Variants in NAALADL2 observed in about 807,000 individuals in gnomAD.
NAALADL2 encodes the protein inactive N-acetylated-alpha-linked acidic dipeptidase-like protein 2.
NAALADL2 carries 76 observed loss-of-function variants against 87.2 expected under a neutral mutation model. The observed-to-expected ratio is 0.87, with a 90% CI of 0.72 to 1.05. The LOEUF (loss-of-function observed/expected upper bound fraction) is 1.05. Among genes scored for constraint, NAALADL2 ranks in the 50% least tolerant of loss-of-function variants. The pLI is 0.00. For synonymous variants in NAALADL2, 354 were observed against 331.0 expected (o/e 1.07, Z -0.75); for missense variants, 1,089 against 945.8 (o/e 1.15, Z -1.99).
chr3:175,505,155 C>G (rs1018692979), intron 9 of NAALADL2, among the ~76,000 whole-genome samples: 3 of 151,762 alleles, frequency 2.0e-5, no homozygotes, highest in Admixed American at 2.0e-4. Flanking sequence ...ACAAAAGAGC[C>G]TTGGGAGGCT....
intron 2 of NAALADL2, among the ~76,000 whole-genome samples, chr3:174,657,199 T>A (rs1725041335): frequency 6.6e-6 from 1 of 152,100 alleles, no homozygotes; most frequent in African/African-American, 2.4e-5. Flanking sequence ...GCCACATTTT[T>A]GTTTTTGTAG....
chr3:175,141,720 G>A (rs1284360139), intron 2 of NAALADL2, among the ~76,000 whole-genome samples: 1 of 152,040 alleles, frequency 6.6e-6, no homozygotes, highest in South Asian at 2.1e-4. Flanking sequence ...ATTTATTCTA[G>A]TTTCTTTCTT....
Position 175,804,114 on chromosome 3 carries a change from T to C in NAALADL2, c.*911T>C, listed in dbSNP as rs1754497633. On this transcript the variant is annotated 3_prime_UTR_variant, in exon 14 of 14. Transcript: ENST00000454872. ...AAGGCAGCTTTCTCAGAGTACTATA[T>C]ATTTTCAACAGTAAAGTAGCAGAGT... The C allele has an allele frequency of 6.6e-6, 1 of 151,952 alleles. No individual in the cohort carries two copies. Among genetic ancestry groups the C allele is most frequent in the Non-Finnish European group, 1.5e-5 (1 of 67,880 alleles). 9.4% of individuals were successfully genotyped at this position (151,952 alleles called of 1,614,324 possible).
intron 2 of NAALADL2, among the ~76,000 whole-genome samples, chr3:174,598,437 A>G (rs1307894773): frequency 6.6e-6 from 1 of 152,164 alleles, no homozygotes; most frequent in South Asian, 2.1e-4. Flanking sequence ...TGATATACAC[A>G]GAACTTATTT....
At chr3:175,789,034 C>T (rs1752460241) in intron 13 of NAALADL2, among the ~76,000 whole-genome samples, 1 of 152,020 alleles carries the variant, frequency 6.6e-6, no homozygotes, top group African/African-American at 2.4e-5. Context: ...AATTCCTTAA[C>T]TTCTTTAGAG....
chr3:175,796,732 C>T (rs1171046393), intron 13 of NAALADL2, among the ~76,000 whole-genome samples: 2 of 152,128 alleles, frequency 1.3e-5, no homozygotes, highest in African/African-American at 4.8e-5. Context: ...AAAGACATGA[C>T]TTATTATTTA....
At chr3:175,038,321 TAAATA>T (rs1033135297) in intron 1 of NAALADL2, among the ~76,000 whole-genome samples, 5 of 149,342 alleles carry the variant, frequency 3.3e-5, no homozygotes, top group East Asian at 3.9e-4. Flanking sequence ...ACTGAGTAAA[TAAATA>T]AAATAAGAAA....
At chr3:174,923,484 T>C (rs1258029299) in intron 1 of NAALADL2, among the ~76,000 whole-genome samples, 1 of 152,142 alleles carries the variant, frequency 6.6e-6, no homozygotes, top group Non-Finnish European at 1.5e-5. Flanking sequence ...AAATTATTAT[T>C]AGGCAAACAA....
intron 2 of NAALADL2, among the ~76,000 whole-genome samples, chr3:174,635,507 T>A (rs1578385568): frequency 5.0e-5 from 1 of 19,906 alleles, no homozygotes; most frequent in African/African-American, 8.7e-4. Context: ...GTGGTTGTGG[T>A]TTTTTTTTTT....
At chr3:174,857,213 A>T (rs1443837927), upstream of NAALADL2, among the ~76,000 whole-genome samples, 1 of 152,168 alleles carries the variant, frequency 6.6e-6, no homozygotes, top group East Asian at 1.9e-4. Flanking sequence ...GTATGTTAAA[A>T]AACGTCCTGG....
intron 1 of NAALADL2, among the ~76,000 whole-genome samples, chr3:175,013,301 A>ATATATATATTTTTTTTTTT (rs1553916905): frequency 2.8e-5 from 2 of 72,066 alleles, no homozygotes; most frequent in Non-Finnish European, 4.7e-5. Context: ...ATATATATAT[A>ATATATATATTTTTTTTTTT]TTTTTTTTTT....
intron 9 of NAALADL2, among the ~76,000 whole-genome samples, chr3:175,491,067 A>T (rs17535609): frequency 6.6e-6 from 1 of 151,646 alleles, no homozygotes; most frequent in Non-Finnish European, 1.5e-5. Context: ...CAGCATTCAG[A>T]TAAGTCTGTC....
At chr3:175,244,654 A>T (rs1747612154) in intron 3 of NAALADL2, among the ~76,000 whole-genome samples, 1 of 152,146 alleles carries the variant, frequency 6.6e-6, no homozygotes, top group Non-Finnish European at 1.5e-5. Context: ...AGTATGTGTG[A>T]TGCCTCTGTT....
At chr3:175,462,082 T>A (rs1723225191) in intron 6 of NAALADL2, among the ~76,000 whole-genome samples, 1 of 152,158 alleles carries the variant, frequency 6.6e-6, no homozygotes, top group African/African-American at 2.4e-5. Context: ...AAAAAGTGAA[T>A]ACCAATGTAA....
intron 6 of NAALADL2, among the ~76,000 whole-genome samples, chr3:175,456,950 C>T (rs1722402964): frequency 6.6e-6 from 1 of 152,010 alleles, no homozygotes; most frequent in Non-Finnish European, 1.5e-5. Context: ...ACAGTATTGT[C>T]CCTCCAATCT....
intron 2 of NAALADL2, among the ~76,000 whole-genome samples, chr3:174,620,931 A>T (rs185633083): frequency 6.9e-4 from 105 of 152,232 alleles, no homozygotes; most frequent in Non-Finnish European, 1.3e-3. Context: ...ATAATAGGCT[A>T]TCAATCTTAT....
At chr3:175,359,551 A>G (rs144047327) in intron 5 of NAALADL2, among the ~76,000 whole-genome samples, 22 of 152,164 alleles carry the variant, frequency 1.4e-4, no homozygotes, top group African/African-American at 4.6e-4. Flanking sequence ...TTTTAATTCA[A>G]TTTTATCAAG....
At chr3:175,705,251 A>G (rs1739520054) in intron 11 of NAALADL2, among the ~76,000 whole-genome samples, 1 of 152,088 alleles carries the variant, frequency 6.6e-6, no homozygotes, top group African/African-American at 2.4e-5. Context: ...TAGAGTAAAA[A>G]ACGACATAGG....
At chr3:174,712,979 G>T (rs914255512) in intron 2 of NAALADL2, among the ~76,000 whole-genome samples, 15 of 150,702 alleles carry the variant, frequency 1.0e-4, no homozygotes, top group African/African-American at 2.7e-4. Flanking sequence ...ACAGGCCCCA[G>T]TGTGTGATGT....
Sources: gnomAD v4.1 joint callset for allele counts (sites outside exome capture counted in the v4.1 genomes callset) on GRCh38, gnomAD v4.1.1 for gene constraint, MANE v1.5 for transcripts, NCBI Gene and HGNC (gene_info 2026-07-23, HGNC 2026-07-21) for gene names.